Variants in GSDME observed in about 807,000 individuals in gnomAD.
GSDME encodes gasdermin E, also known as gasdermin-E.
GSDME carries 44 observed loss-of-function variants against 47.5 expected under a neutral mutation model. That is an observed-to-expected ratio of 0.93 (90% CI 0.73 to 1.19). The LOEUF (loss-of-function observed/expected upper bound fraction) is 1.19. Among genes scored for constraint, GSDME ranks in the 50% most tolerant of loss-of-function variants. The pLI, the probability that GSDME is intolerant of heterozygous loss-of-function variation, is 0.00. For synonymous variants in GSDME, 258 were observed against 252.8 expected (o/e 1.02, Z -0.20); for missense variants, 663 against 604.2 (o/e 1.10, Z -1.02).
the GSDME span, among the ~76,000 whole-genome samples, chr7:24,795,326 G>T: frequency 3.3e-5 from 5 of 152,126 alleles, no homozygotes; most frequent in Admixed American, 2.6e-4. Flanking sequence ...TAATCACCTC[G>T]CTTCCAGGTC....
the GSDME span, among the ~76,000 whole-genome samples, chr7:24,791,963 T>C: frequency 2.6e-5 from 4 of 152,180 alleles, no homozygotes; most frequent in Admixed American, 1.3e-4. The surrounding 1 kb of genome is among the most constrained non-coding windows in gnomAD (Gnocchi z 4.8). Context: ...CTTTGGGATA[T>C]AGCAGAGACA....
rs1425973396 is a variant in GSDME, at chr7:24,725,263, T to G, written c.405-6045A>C. Among the ~76,000 whole-genome samples, 1 of 152,172 alleles carries G rather than the reference T, an allele frequency of 6.6e-6. No individual in the cohort carries two copies. The highest frequency in any genetic ancestry group is 1.5e-5 in the Non-Finnish European group (1 of 68,034). The stretch of plus-strand genomic sequence containing the variant: ...GGTTACGTTCAGTGAGATCTTGCAT[T>G]AAATGACCCACACTCTACCCAGCAG... On this transcript the variant is annotated intron_variant, in intron 3 of 9. Transcript: ENST00000645220. The surrounding 1 kb of genome is among the most constrained non-coding windows in gnomAD (Gnocchi z 5.1).
chr7:24,749,480 C>G (rs1436963498), intron 2 of GSDME, 84 bp downstream of exon 2: 3 of 1,184,522 alleles, frequency 2.5e-6, no homozygotes, highest in African/African-American at 3.2e-5. Flanking sequence ...CCAGCATGGG[C>G]GACAGAGACT....
the GSDME span, among the ~76,000 whole-genome samples, chr7:24,786,391 G>T: frequency 3.4e-4 from 52 of 152,310 alleles, no homozygotes; most frequent in African/African-American, 1.2e-3. The surrounding 1 kb of genome is among the most constrained non-coding windows in gnomAD (Gnocchi z 5.5). Flanking sequence ...GGTGCCCTTG[G>T]AAACATGCAG....
chr7:24,750,290 C>T (rs1289404977), intron 1 of GSDME, among the ~76,000 whole-genome samples: 1 of 152,086 alleles, frequency 6.6e-6, no homozygotes, highest in African/African-American at 2.4e-5. Flanking sequence ...CTTCAACCAA[C>T]AATAAGGGCC....
intron 9 of GSDME, chr7:24,702,399 T>C (rs994986093): frequency 5.6e-6 from 2 of 356,768 alleles, no homozygotes; most frequent in Admixed American, 3.8e-5. Flanking sequence ...AAACCAGTCT[T>C]AGCACAAAAC....
At position 24,735,578 on chromosome 7, in the gene GSDME, G is replaced by A. The variant is rs1044401234; in HGVS notation, c.404+8984C>T. Among the ~76,000 whole-genome samples the A allele has an allele frequency of 3.9e-5, 6 of 151,952 alleles. No individual in the cohort carries two copies. The highest frequency in any genetic ancestry group is 7.3e-5 in the African/African-American group (3 of 41,348). ...TCGAGACCAGACTGCCCAACATGGCGAAACCACATCTCTACTAAAAATACA... is the reference window on the plus strand; with the variant it reads ...TCGAGACCAGACTGCCCAACATGGCAAAACCACATCTCTACTAAAAATACA... On this transcript the variant is annotated intron_variant, in intron 3 of 9. Coordinates refer to ENST00000645220, the MANE Select transcript of GSDME (RefSeq NM_001127453.2). The surrounding 1 kb of genome is among the most constrained non-coding windows in gnomAD (Gnocchi z 4.4).
rs967296379 is a variant in GSDME at position 24,756,424 on chromosome 7, T to C, written c.-20+972A>G. Among the ~76,000 whole-genome samples the C allele has an allele frequency of 3.3e-5, 5 of 152,084 alleles. No individual in the cohort carries two copies. The highest frequency in any genetic ancestry group is 1.2e-4 in the African/African-American group (5 of 41,414). On this transcript the variant is annotated intron_variant, in intron 1 of 9. Coordinates refer to ENST00000645220, the MANE Select transcript of GSDME (RefSeq NM_001127453.2). The surrounding 1 kb of genome is among the most constrained non-coding windows in gnomAD (Gnocchi z 4.2). ...GGGGTTGGGCCCTTTCTCTCTCAGA[T>C]CTACCTAATGGTCTGGGCTCAACTT...
the GSDME span, among the ~76,000 whole-genome samples, chr7:24,789,596 A>G: frequency 6.6e-6 from 1 of 152,242 alleles, no homozygotes; most frequent in Non-Finnish European, 1.5e-5. Context: ...AGAAGCAGTT[A>G]GGTCAGGAGT....
At chr7:24,777,906 C>G in the GSDME span, among the ~76,000 whole-genome samples, 2 of 151,880 alleles carry the variant, frequency 1.3e-5, no homozygotes, top group Non-Finnish European at 2.9e-5. Context: ...AACCATAATT[C>G]TTTTTCCAAT....
chr7:24,776,024 A>G, the GSDME span, among the ~76,000 whole-genome samples: 2 of 151,752 alleles, frequency 1.3e-5, no homozygotes, highest in African/African-American at 4.8e-5. Context: ...CACTAAAAAT[A>G]CAAAAATTAG....
In GSDME at chr7:24,744,902, G is replaced by T; in HGVS notation, c.212-148C>A. 2.3e-6 allele frequency: 2 copies of T among 854,036 alleles called. No individual in the cohort carries two copies. Among genetic ancestry groups the T allele is most frequent in the Admixed American group, 2.0e-5 (1 of 49,782 alleles). The allele number at this position is 854,036 out of a possible 1,614,324, so 52.9% of individuals were successfully genotyped here. On this transcript the variant is annotated intron_variant, in intron 2 of 9. Transcript: ENST00000645220. The surrounding 1 kb of genome is among the most constrained non-coding windows in gnomAD (Gnocchi z 4.5). ...AAGCCGGCAGCCATGCTGTGTGTGT[G>T]GGCAAGAAAACAGGGCAGCACGTGT... is the stretch of plus-strand genomic sequence containing the variant.
At chr7:24,710,188 C>T (rs1425675097) in intron 6 of GSDME, 36 bp downstream of exon 6, 2 of 1,610,116 alleles carry the variant, frequency 1.2e-6, no homozygotes, top group Admixed American at 1.7e-5. Flanking sequence ...TCAGTTGGCC[C>T]TCAACTGCCC....
At chr7:24,776,463 T>C in the GSDME span, among the ~76,000 whole-genome samples, 1 of 152,336 alleles carries the variant, frequency 6.6e-6, no homozygotes, top group African/African-American at 2.4e-5. Flanking sequence ...TCCTCCTCGA[T>C]AATTATCAAC....
intron 5 of GSDME, among the ~76,000 whole-genome samples, chr7:24,713,281 G>A (rs1215838710): frequency 6.6e-6 from 1 of 152,140 alleles, no homozygotes; most frequent in African/African-American, 2.4e-5. Flanking sequence ...CCTCCAGGCA[G>A]AGGGACGGCG....
chr7:24,780,598 A>T, the GSDME span, among the ~76,000 whole-genome samples: 1 of 152,166 alleles, frequency 6.6e-6, no homozygotes, highest in African/African-American at 2.4e-5. The surrounding 1 kb of genome is among the most constrained non-coding windows in gnomAD (Gnocchi z 4.1). Context: ...CATTCAGAGC[A>T]ACTTGAATGT....
chr7:24,703,027 G>A, intron 8 of GSDME, 194 bp from the exon 9 acceptor site: 1 of 532,450 alleles, frequency 1.9e-6, no homozygotes, highest in Non-Finnish European at 3.5e-6. Flanking sequence ...ACAGATGTAG[G>A]AACCCAGCTG....
chr7:24,730,850 T>C (rs1361428941), intron 3 of GSDME, among the ~76,000 whole-genome samples: 1 of 151,972 alleles, frequency 6.6e-6, no homozygotes, highest in African/African-American at 2.4e-5. Flanking sequence ...ATGAAACTCA[T>C]CAGACAAGGT....
intron 6 of GSDME, among the ~76,000 whole-genome samples, chr7:24,709,914 C>T (rs1234677357): frequency 6.6e-6 from 1 of 152,214 alleles, no homozygotes; most frequent in Non-Finnish European, 1.5e-5. Flanking sequence ...GTCAACAGGG[C>T]TTCTGTGCTT....
Sources: gnomAD v4.1 joint callset for allele counts (sites outside exome capture counted in the v4.1 genomes callset) on GRCh38, gnomAD v4.1.1 for gene constraint, Gnocchi (gnomAD v3.1) non-coding constraint, MANE v1.5 for transcripts, NCBI Gene and HGNC (gene_info 2026-07-23, HGNC 2026-07-21) for gene names.